The following ANKRD6 variants were observed in gnomAD, a reference collection of about 807,000 sequenced individuals.
The protein encoded by ANKRD6 is ankyrin repeat domain-containing protein 6.
Under a neutral mutation model 82.3 loss-of-function variants are expected in ANKRD6, and 56 were observed. The observed-to-expected ratio is 0.68, with a 90% CI of 0.55 to 0.85. The LOEUF (loss-of-function observed/expected upper bound fraction) is 0.85. Ranked by LOEUF, ANKRD6 falls within the 40% of genes least tolerant of loss-of-function variation. The pLI, the probability that ANKRD6 is intolerant of heterozygous loss-of-function variation, is 0.00. For missense variants in ANKRD6, 852 were observed against 907.6 expected, an observed-to-expected ratio of 0.94 and a Z score of 0.79; for synonymous variants, 347 against 352.1, an observed-to-expected ratio of 0.99 and a Z score of 0.16.
At chr6:89,499,621 G>A (rs1779038449) in intron 1 of ANKRD6, among the ~76,000 whole-genome samples, 1 of 152,066 alleles carries the variant, frequency 6.6e-6, no homozygotes, top group South Asian at 2.1e-4. Context: ...AGCTTGTATT[G>A]TGTGAGACAG....
intron 1 of ANKRD6, among the ~76,000 whole-genome samples, chr6:89,541,192 A>G (rs115355574): frequency 0.014 from 2,176 of 152,076 alleles, 62 homozygotes; most frequent in African/African-American, 0.048. Flanking sequence ...TAAGGATTAC[A>G]CTGAGTCTAT....
intron 1 of ANKRD6, among the ~76,000 whole-genome samples, chr6:89,490,922 A>T (rs2127840860): frequency 6.6e-6 from 1 of 152,256 alleles, no homozygotes; most frequent in African/African-American, 2.4e-5. Context: ...TGTGATTAAG[A>T]TGAGGCAGTC....
At chr6:89,593,743 G>A (rs1795332783) in intron 2 of ANKRD6, among the ~76,000 whole-genome samples, 1 of 152,180 alleles carries the variant, frequency 6.6e-6, no homozygotes, top group African/African-American at 2.4e-5. Context: ...GTGGGGCCAT[G>A]GTTCATTGAT....
intron 1 of ANKRD6, among the ~76,000 whole-genome samples, chr6:89,538,858 AAAG>A (rs894447551): frequency 1.8e-4 from 28 of 152,212 alleles, no homozygotes; most frequent in Non-Finnish European, 2.6e-4. Flanking sequence ...ACTTTCATGC[AAAG>A]AAGAAGAGCA....
intron 1 of ANKRD6, among the ~76,000 whole-genome samples, chr6:89,511,669 A>G (rs1562682518): frequency 2.6e-5 from 4 of 152,238 alleles, no homozygotes; most frequent in African/African-American, 4.8e-5. Flanking sequence ...TGCTTAGTGC[A>G]ATGCCTGGCC....
intron 1 of ANKRD6, among the ~76,000 whole-genome samples, chr6:89,436,581 G>T (rs1413314581): frequency 6.6e-6 from 1 of 152,168 alleles, no homozygotes; most frequent in Non-Finnish European, 1.5e-5. Context: ...GGACAATATT[G>T]TATGATTCTG....
chr6:89,568,159 G>A (rs1040166527), intron 2 of ANKRD6: 3 of 152,230 alleles, frequency 2.0e-5, no homozygotes, highest in Non-Finnish European at 2.9e-5. Context: ...CTCAGAGCTT[G>A]TGTGATCTAC....
chr6:89,449,047 A>G lies in ANKRD6; in HGVS notation c.-144+15672A>G, dbSNP rs574703551. Among the ~76,000 whole-genome samples the G allele has an allele frequency of 1.8e-3, 271 of 152,146 alleles. 2 individuals are homozygous for G. Among genetic ancestry groups the G allele is most frequent in the African/African-American group, 6.2e-3 (258 of 41,526 alleles). On this transcript the variant is annotated intron_variant, in intron 1 of 15. Transcript: ENST00000339746. The stretch of plus-strand genomic sequence containing the variant: ...TCCGTCTCAAAAAAAAAAAAAAAAA[A>G]AAAAGAAATACATTTTGTAAGGCTA...
At chr6:89,630,307 A>T in intron 15 of ANKRD6, 126 bp from the exon 16 acceptor site, 1 of 1,121,176 alleles carries the variant, frequency 8.9e-7, no homozygotes, top group Non-Finnish European at 1.2e-6. Flanking sequence ...GACGTTACAC[A>T]TGGTGGGTGG....
intron 2 of ANKRD6, among the ~76,000 whole-genome samples, chr6:89,573,074 C>T (rs1469541692): frequency 1.3e-5 from 2 of 152,094 alleles, no homozygotes; most frequent in African/African-American, 4.8e-5. Context: ...AATCCTCCTG[C>T]CTCAGCCTCC....
At chr6:89,554,106 G>A (rs530955416) in intron 1 of ANKRD6, among the ~76,000 whole-genome samples, 48 of 152,296 alleles carry the variant, frequency 3.2e-4, no homozygotes, top group African/African-American at 1.1e-3. Context: ...CATCCATTAC[G>A]TAGAAGGCAT....
At position 89,574,531 on chromosome 6, in the gene ANKRD6, G is replaced by A. The variant is rs34841813; in HGVS notation, c.120+7435G>A. ...TATTTTTTAACTCATCCAGTGCCTA[G>A]CAAGGTACTCACATCCCATCTGTGC... On this transcript the variant is annotated intron_variant, in intron 2 of 15. Transcript: ENST00000339746. 3.8e-3 allele frequency among the ~76,000 whole-genome samples: 576 copies of A among 152,308 alleles called. 4 individuals carry two copies. Among genetic ancestry groups the A allele is most frequent in the African/African-American group, 0.013 (532 of 41,552 alleles).
At chr6:89,504,386 GTCTCTCTCTCGC>G (rs1164337386) in intron 1 of ANKRD6, among the ~76,000 whole-genome samples, 1 of 151,628 alleles carries the variant, frequency 6.6e-6, no homozygotes, top group Non-Finnish European at 1.5e-5. Flanking sequence ...TTGTAGGACA[GTCTCTCTCTCGC>G]TCTCGCTCGC....
intron 2 of ANKRD6, among the ~76,000 whole-genome samples, chr6:89,573,573 A>G (rs1319806840): frequency 6.6e-6 from 1 of 152,204 alleles, no homozygotes; most frequent in East Asian, 1.9e-4. Flanking sequence ...GCTGGAACCC[A>G]TGTCACTCTA....
rs772652995 is a variant in ANKRD6 at position 89,622,042 on chromosome 6, C to T, written c.897+16C>T. On this transcript the variant is annotated intron_variant, in intron 10 of 15. Coordinates refer to ENST00000339746, the MANE Select transcript of ANKRD6 (RefSeq NM_001242809.2). The stretch of plus-strand genomic sequence containing the variant: ...CCAAAGCAAGGTGGGGGGCAGTCCT[C>T]CCGCCGTCCCCACATCCACCCATGC... 147 of 1,607,658 alleles carry T rather than the reference C, an allele frequency of 9.1e-5. No homozygotes were observed. The highest frequency in any genetic ancestry group is 2.2e-4 in the Middle Eastern group (1 of 4,464).
chr6:89,598,502 G>A lies in ANKRD6; in HGVS notation c.219+2488G>A, dbSNP rs567274473. On this transcript the variant is annotated intron_variant, in intron 3 of 15. Transcript: ENST00000339746. ...CAGTATGTCTGCCTGTGCCACATGGGGGTGTTTCCTCTTGAAGAGGCGCAC... is the reference window on the plus strand; with the variant it reads ...CAGTATGTCTGCCTGTGCCACATGGAGGTGTTTCCTCTTGAAGAGGCGCAC... 1.5e-4 allele frequency: 136 copies of A among 879,082 alleles called. 2 individuals carry two copies. The South Asian group carries it at 6.3e-3, about 41-fold the overall frequency. 54.5% of individuals were successfully genotyped at this position (879,082 alleles called of 1,614,324 possible).
At chr6:89,630,336 A>T in intron 15 of ANKRD6, 97 bp from the exon 16 acceptor site, 1 of 1,396,824 alleles carries the variant, frequency 7.2e-7, no homozygotes, top group Non-Finnish European at 9.5e-7. Context: ...AAGGCTGGTG[A>T]TATACAGGAT....
intron 4 of ANKRD6, among the ~76,000 whole-genome samples, chr6:89,603,492 T>A (rs868354649): frequency 1.3e-5 from 2 of 152,058 alleles, no homozygotes; most frequent in African/African-American, 4.8e-5. Flanking sequence ...GCCAATTGTA[T>A]TTTTTAAAAA....
chr6:89,519,123 G>A (rs1437697154), intron 1 of ANKRD6, among the ~76,000 whole-genome samples: 1 of 152,176 alleles, frequency 6.6e-6, no homozygotes, highest in Non-Finnish European at 1.5e-5. Context: ...CACATTCTAG[G>A]TACTGGGGGT....
Sources: gnomAD v4.1 joint callset for allele counts (sites outside exome capture counted in the v4.1 genomes callset) on GRCh38, gnomAD v4.1.1 for gene constraint, MANE v1.5 for transcripts, NCBI Gene and HGNC (gene_info 2026-07-23, HGNC 2026-07-21) for gene names.